Variants in WNT2B observed in about 807,000 individuals in gnomAD.
The protein encoded by WNT2B is protein Wnt-2b.
A neutral mutation model predicts 40.5 loss-of-function variants in WNT2B; 19 were observed. The observed-to-expected ratio is 0.47, with a 90% CI of 0.33 to 0.69. WNT2B has a LOEUF of 0.69. Ranked by LOEUF, WNT2B falls within the 30% of genes least tolerant of loss-of-function variation. WNT2B has a pLI of 0.02. For synonymous variants in WNT2B, 220 were observed against 211.9 expected (o/e 1.04, Z -0.33); for missense variants, 467 against 556.4 (o/e 0.84, Z 1.62).
intron 1 of WNT2B, among the ~76,000 whole-genome samples, chr1:112,502,771 A>G (rs779065349): frequency 6.6e-6 from 1 of 152,194 alleles, no homozygotes; most frequent in Non-Finnish European, 1.5e-5. Context: ...AGGACGGCTG[A>G]AATGACTGGT....
intron 1 of WNT2B, among the ~76,000 whole-genome samples, chr1:112,479,002 C>G (rs2101053835): frequency 6.6e-6 from 1 of 152,126 alleles, no homozygotes; most frequent in Middle Eastern, 3.4e-3. Context: ...GGGCGGATCC[C>G]CTCAGGTCAG....
chr1:112,516,284 TTGAC>T lies in WNT2B; in HGVS notation c.551_554del (p.Asp184GlyfsTer33). On this transcript the variant is annotated frameshift_variant, in exon 3 of 5. Coordinates refer to ENST00000369684, the MANE Select transcript of WNT2B (RefSeq NM_024494.3). LOFTEE classifies it high-confidence loss of function. ...CGACACCATGACCAGCGTGGGGACT[TTGAC>T]TGGGGTGGCTGCAGTGACAACATCC... The T allele has an allele frequency of 6.2e-7, 1 of 1,614,018 alleles. No homozygotes were observed. Among genetic ancestry groups the T allele is most frequent in the Non-Finnish European group, 8.5e-7 (1 of 1,180,016 alleles).
chr1:112,473,341 G>A (rs571049793), intron 1 of WNT2B, among the ~76,000 whole-genome samples: 3 of 152,038 alleles, frequency 2.0e-5, no homozygotes, highest in Non-Finnish European at 4.4e-5. Flanking sequence ...TAACTGTACT[G>A]TATATTCAAG....
chr1:112,479,067 A>C lies in WNT2B; in HGVS notation c.-95+11476A>C, dbSNP rs1651137577. Among the ~76,000 whole-genome samples the C allele has an allele frequency of 2.6e-5, 4 of 151,992 alleles. No homozygotes were observed. In the Middle Eastern group the frequency reaches 0.014, roughly 517 times the overall value. Reference sequence around the variant, plus strand: ...GAAACCTTGTCTCTACTAAAAATACAAAAATTAGCTGGGCGTAGTGGTACA... The same window carrying C: ...GAAACCTTGTCTCTACTAAAAATACCAAAATTAGCTGGGCGTAGTGGTACA... On this transcript the variant is annotated intron_variant, in intron 1 of 4. Transcript: ENST00000256640.
In WNT2B at chr1:112,529,371, A is replaced by G. The variant is rs562870766; in HGVS notation, c.*8862A>G. On this transcript the variant is annotated 3_prime_UTR_variant, in exon 5 of 5. Coordinates refer to ENST00000369684, the MANE Select transcript of WNT2B (RefSeq NM_024494.3). ...GATTTCTGAAACCCTTCACAAAAGA[A>G]AAGCTCAAGGGTTTACATTCAACTG... The G allele has an allele frequency of 1.3e-5, 2 of 152,346 alleles. No individual in the cohort carries two copies. Among genetic ancestry groups the G allele is most frequent in the East Asian group, 3.9e-4 (2 of 5,188 alleles). 9.4% of individuals were successfully genotyped at this position (152,346 alleles called of 1,614,324 possible).
chr1:112,484,272 CAT>C (rs60819225), intron 1 of WNT2B, among the ~76,000 whole-genome samples: 4,062 of 123,146 alleles, frequency 0.033, 270 homozygotes, highest in African/African-American at 0.12. Context: ...TATATATACA[CAT>C]ATATATATAT....
At chr1:112,486,945 A>T (rs1651436144) in intron 1 of WNT2B, among the ~76,000 whole-genome samples, 1 of 152,226 alleles carries the variant, frequency 6.6e-6, no homozygotes, top group South Asian at 2.1e-4. Context: ...AACCTGCCAC[A>T]TGATTCAGTT....
rs924692201 is a variant in WNT2B at position 112,525,325 on chromosome 1, T to G, written c.*4816T>G. ...CTTTATTAGGGTAAATATATCACAG[T>G]TGCTACAGTGAATTGAGCTTTCTCA... On this transcript the variant is annotated 3_prime_UTR_variant, in exon 5 of 5. Coordinates refer to ENST00000369684, the MANE Select transcript of WNT2B (RefSeq NM_024494.3). 1 of 152,264 alleles carries G rather than the reference T, an allele frequency of 6.6e-6. No homozygotes were observed. The highest frequency in any genetic ancestry group is 2.4e-5 in the African/African-American group (1 of 41,454). The allele number at this position is 152,264 out of a possible 1,614,324, so 9.4% of individuals were successfully genotyped here.
At chr1:112,506,687 G>A (rs2101078687), upstream of WNT2B, among the ~76,000 whole-genome samples, 1 of 152,314 alleles carries the variant, frequency 6.6e-6, no homozygotes, top group East Asian at 1.9e-4. Context: ...TCTCCCACCT[G>A]CCCCTCTCAG....
At position 112,525,818 on chromosome 1, in the gene WNT2B, TG is replaced by T; in HGVS notation, c.*5310del. On this transcript the variant is annotated 3_prime_UTR_variant, in exon 5 of 5. Transcript: ENST00000369684. ...AAAGGAAGACAATTTCATCTACAGT[TG>T]TCCTTTTTGACAGCTTCCAAGGGGG... 1 of 626,964 alleles carries T rather than the reference TG, an allele frequency of 1.6e-6. No individual in the cohort carries two copies. Among genetic ancestry groups the T allele is most frequent in the South Asian group, 3.2e-5 (1 of 30,866 alleles). The allele number at this position is 626,964 out of a possible 1,614,324, so 38.8% of individuals were successfully genotyped here. A position where few individuals can be genotyped will look rare whatever the true frequency, so the allele number is the denominator to read the frequency against.
intron 1 of WNT2B, among the ~76,000 whole-genome samples, chr1:112,476,405 G>A (rs1413683060): frequency 6.6e-6 from 1 of 152,114 alleles, no homozygotes; most frequent in African/African-American, 2.4e-5. Flanking sequence ...GGATGAGAAG[G>A]TAATGCCCAT....
At chr1:112,518,919 G>C (rs1222829681) in intron 4 of WNT2B, among the ~76,000 whole-genome samples, 1 of 152,186 alleles carries the variant, frequency 6.6e-6, no homozygotes, top group African/African-American at 2.4e-5. Flanking sequence ...GTAGCAACTA[G>C]CCACATGTGA....
chr1:112,478,948 G>A (rs60638490), intron 1 of WNT2B, among the ~76,000 whole-genome samples: 12,373 of 152,106 alleles, frequency 0.081, 1,654 homozygotes, highest in African/African-American at 0.28. Flanking sequence ...AGGGCTGGGC[G>A]CAGTGGCTGA....
At chr1:112,499,937 C>T (rs994971553) in intron 1 of WNT2B, among the ~76,000 whole-genome samples, 1 of 152,108 alleles carries the variant, frequency 6.6e-6, no homozygotes, top group Non-Finnish European at 1.5e-5. Context: ...GTGTCTTGAT[C>T]ATTAATTCCA....
At chr1:112,482,146 CA>C (rs60224833) in intron 1 of WNT2B, among the ~76,000 whole-genome samples, 3,108 of 124,646 alleles carry the variant, frequency 0.025, 45 homozygotes, top group African/African-American at 0.051. Context: ...AACTCCATCT[CA>C]AAAAAAAAAA....
intron 1 of WNT2B, among the ~76,000 whole-genome samples, chr1:112,489,669 C>T (rs1570772964): frequency 6.6e-6 from 1 of 152,180 alleles, no homozygotes; most frequent in Non-Finnish European, 1.5e-5. Flanking sequence ...TGCCAATACT[C>T]GCAATGGATA....
intron 1 of WNT2B, among the ~76,000 whole-genome samples, chr1:112,499,328 A>G (rs1651874794): frequency 6.6e-6 from 1 of 152,212 alleles, no homozygotes; most frequent in Admixed American, 6.5e-5. Flanking sequence ...GCATTACTCT[A>G]ATACCAAAAC....
intron 1 of WNT2B, among the ~76,000 whole-genome samples, chr1:112,503,062 G>A (rs1378024953): frequency 1.3e-5 from 2 of 152,138 alleles, no homozygotes; most frequent in African/African-American, 2.4e-5. Flanking sequence ...AGAGAGATGA[G>A]CTAATCTGGT....
rs1651422524 is a variant in WNT2B, at chr1:112,486,497, T to C, written c.-95+18906T>C. 1.3e-5 allele frequency among the ~76,000 whole-genome samples: 2 copies of C among 152,088 alleles called. 1 individual carries two copies. The highest frequency in any genetic ancestry group is 4.1e-4 in the South Asian group (2 of 4,832). ...AAAAGCACTACCCATAAAGAACCAA[T>C]TGATAAATTGGACTTTATCAAAATT... On this transcript the variant is annotated intron_variant, in intron 1 of 4. Coordinates refer to the WNT2B transcript ENST00000256640.
Sources: allele counts gnomAD v4.1 joint callset (sites outside exome capture counted in the v4.1 genomes callset), GRCh38; gene constraint gnomAD v4.1.1; transcripts MANE v1.5; gene names NCBI Gene and HGNC (gene_info 2026-07-23, HGNC 2026-07-21).